The following UBE2G2 variants were observed in gnomAD, a reference collection of about 807,000 sequenced individuals.
UBE2G2 encodes the protein ubiquitin conjugating enzyme E2 G2.
A neutral mutation model predicts 23.0 loss-of-function variants in UBE2G2; 10 were observed. The observed-to-expected ratio is 0.43, with a 90% CI of 0.27 to 0.74. The LOEUF (loss-of-function observed/expected upper bound fraction) is 0.74. Ranked by LOEUF, UBE2G2 falls within the 30% of genes least tolerant of loss-of-function variation. UBE2G2 has a pLI of 0.19. For synonymous variants in UBE2G2, 86 were observed against 81.3 expected (o/e 1.06, Z -0.31); for missense variants, 150 against 218.3 (o/e 0.69, Z 1.97).
chr21:44,791,988 A>G (rs2083049361), intron 1 of UBE2G2, among the ~76,000 whole-genome samples: 2 of 152,250 alleles, frequency 1.3e-5, no homozygotes, highest in South Asian at 4.1e-4. Context: ...TTGAGCTTTA[A>G]GATTTAATGA....
At chr21:44,795,205 G>C (rs782177305) in intron 1 of UBE2G2, among the ~76,000 whole-genome samples, 41 of 152,140 alleles carry the variant, frequency 2.7e-4, no homozygotes, top group Non-Finnish European at 4.9e-4. Context: ...AGATGTTGCA[G>C]TGAGCTGAGA....
intron 3 of UBE2G2, among the ~76,000 whole-genome samples, chr21:44,783,530 G>A (rs1335398947): frequency 3.9e-5 from 6 of 152,216 alleles, no homozygotes; most frequent in Non-Finnish European, 8.8e-5. Context: ...ATCAACTGGG[G>A]AATGGAAAAG....
chr21:44,790,371 T>G (rs1339455369), intron 1 of UBE2G2, among the ~76,000 whole-genome samples: 4 of 152,208 alleles, frequency 2.6e-5, no homozygotes, highest in Non-Finnish European at 5.9e-5. Context: ...TAGACTTTTG[T>G]GTGAATGTTC....
rs2329900 is a variant in UBE2G2, at chr21:44,783,726, C to T, written c.125+4194G>A. Among the ~76,000 whole-genome samples, 75 of 152,188 alleles carry T rather than the reference C, an allele frequency of 4.9e-4. 3 individuals are homozygous for T. In the South Asian group the frequency reaches 0.014, roughly 29 times the overall value. ...GGGGTTGGAATGGGAACTGTCTGCA[C>T]ATAGACATAAGAATCTTTTTGGAAA... On this transcript the variant is annotated intron_variant, in intron 3 of 5. Coordinates refer to ENST00000345496, the MANE Select transcript of UBE2G2 (RefSeq NM_003343.6).
At chr21:44,776,043 G>A (rs1349767321) in intron 4 of UBE2G2, among the ~76,000 whole-genome samples, 1 of 152,156 alleles carries the variant, frequency 6.6e-6, no homozygotes, top group Non-Finnish European at 1.5e-5. Context: ...AATATCTGCA[G>A]TAAATGAGAA....
In UBE2G2 at chr21:44,771,577, C is replaced by CG; in HGVS notation, c.386-89dup. The CG allele has an allele frequency of 1.5e-6, 2 of 1,363,058 alleles. No individual in the cohort carries two copies. Among genetic ancestry groups the CG allele is most frequent in the Non-Finnish European group, 2.1e-6 (2 of 970,892 alleles). The allele number at this position is 1,363,058 out of a possible 1,614,324, so 84.4% of individuals were successfully genotyped here. On this transcript the variant is annotated intron_variant, in intron 5 of 5. Coordinates refer to ENST00000345496, the MANE Select transcript of UBE2G2 (RefSeq NM_003343.6). The surrounding 1 kb of genome is among the most constrained non-coding windows in gnomAD (Gnocchi z 4.6). ...GTCTCCCATTTATTTAAAACACTGG[C>CG]GGGGGCTTTCAAGAGCTGTGTCCCA...
At position 44,787,843 on chromosome 21, in the gene UBE2G2, AG is replaced by A. The variant is rs1164558825; in HGVS notation, c.125+76del. The A allele has an allele frequency of 6.5e-6, 10 of 1,529,654 alleles. No homozygotes were observed. In the Admixed American group the frequency reaches 7.4e-5, roughly 11 times the overall value. 94.8% of individuals were successfully genotyped at this position (1,529,654 alleles called of 1,614,324 possible). On this transcript the variant is annotated intron_variant, in intron 3 of 5. Transcript: ENST00000345496. ...TTTTCCAGCTGATGCTTTTGGACAC[AG>A]TCACACTGCTGATGTGATTCTTACA...
chr21:44,773,769 G>A (rs2082892078), intron 4 of UBE2G2, 82 bp from the exon 5 acceptor site: 1 of 1,549,182 alleles, frequency 6.5e-7, no homozygotes, highest in East Asian at 2.3e-5. Context: ...CACAGATAAT[G>A]AGAACAAAGA....
At chr21:44,773,434 A>C in intron 5 of UBE2G2, 113 bp downstream of exon 5, 1 of 1,363,464 alleles carries the variant, frequency 7.3e-7, no homozygotes, top group Non-Finnish European at 9.7e-7. Context: ...TAGCATGTGT[A>C]AACTAACTGC....
At chr21:44,788,210 C>A in intron 1 of UBE2G2, 115 bp from the exon 2 acceptor site, 3 of 985,718 alleles carry the variant, frequency 3.0e-6, no homozygotes, top group Non-Finnish European at 2.9e-6. Flanking sequence ...TGCATATTAA[C>A]AAGTGAAAAT....
At chr21:44,786,472 G>A (rs138454606) in intron 3 of UBE2G2, among the ~76,000 whole-genome samples, 6 of 152,310 alleles carry the variant, frequency 3.9e-5, no homozygotes, top group Admixed American at 2.6e-4. Flanking sequence ...AATGGCAGGC[G>A]TGCTGTACCA....
At chr21:44,774,180 C>T (rs2082896136) in intron 4 of UBE2G2, 1 of 153,318 alleles carries the variant, frequency 6.5e-6, no homozygotes, top group Admixed American at 6.5e-5. Flanking sequence ...AAGAAAGGCA[C>T]CAGGATTTCT....
chr21:44,789,759 C>T (rs1230917960), intron 1 of UBE2G2, among the ~76,000 whole-genome samples: 4 of 152,272 alleles, frequency 2.6e-5, no homozygotes, highest in South Asian at 4.1e-4. Flanking sequence ...CAAACGCTTG[C>T]GTCCCCCCAA....
rs2082862443 is a variant in UBE2G2, at chr21:44,770,200, A to C, written c.*1177T>G. 1 of 152,210 alleles carries C rather than the reference A, an allele frequency of 6.6e-6. No homozygotes were observed. The highest frequency in any genetic ancestry group is 6.5e-5 in the Admixed American group (1 of 15,280). The allele number at this position is 152,210 out of a possible 1,614,324, so 9.4% of individuals were successfully genotyped here. ...TTGCAAAGAATGATTTTGTGCTAAT[A>C]AATTCCCAGTGCATCCAAAATGTAC... On this transcript the variant is annotated 3_prime_UTR_variant, in exon 6 of 6. Transcript: ENST00000345496.
Position 44,787,928 on chromosome 21 carries a change from T to C in UBE2G2, c.117A>G (p.Ala39=). The change falls in exon 3 of 6, where the codon GCA becomes GCG. Residue 39 remains alanine (A), a synonymous_variant. Transcript: ENST00000345496. ...ACCTAAAATTAACTTACATGATCAA[T>C]GCCTCCCATTCAAAAAAGTTCTCTT... ...MNEENFFEWE[A]LIMGPEDTCF... 6.2e-7 allele frequency: 1 copy of C among 1,613,982 alleles called. No individual in the cohort carries two copies. Among genetic ancestry groups the C allele is most frequent in the Non-Finnish European group, 8.5e-7 (1 of 1,179,974 alleles).
At chr21:44,773,427 C>A in intron 5 of UBE2G2, 120 bp downstream of exon 5, 1 of 1,274,538 alleles carries the variant, frequency 7.8e-7, no homozygotes, top group Non-Finnish European at 1.1e-6. Context: ...ATGGCAATAG[C>A]ATGTGTAAAC....
intron 1 of UBE2G2, 91 bp downstream of exon 1, chr21:44,801,615 C>G (rs1416079830): frequency 2.1e-6 from 3 of 1,414,864 alleles, no homozygotes; most frequent in South Asian, 1.5e-5. Context: ...CCGGCTCCCC[C>G]GCCAGGCTCC....
rs147057622 is a variant in UBE2G2 at position 44,773,650 on chromosome 21, G to A, written c.282C>T (p.His94=). 8.3e-4 allele frequency: 1,343 copies of A among 1,612,750 alleles called. 14 individuals are homozygous for A. In the African/African-American group the frequency reaches 0.016, roughly 19 times the overall value. The part of the protein sequence containing the change: ...PDGRVCISIL[H]APGDDPMGYE... The stretch of plus-strand genomic sequence containing the variant: ...AGCCCATGGGGTCATCGCCTGGCGC[G>A]TGGAGGATGGAAATGCAGACTCTCC... Residue 94 remains histidine (H), a synonymous_variant, in exon 5 of 6, where the codon CAC becomes CAT. Transcript: ENST00000345496.
chr21:44,778,259 G>A (rs1555960850), intron 3 of UBE2G2, among the ~76,000 whole-genome samples: 1 of 152,248 alleles, frequency 6.6e-6, no homozygotes, highest in South Asian at 2.1e-4. Context: ...AAGAGCACAT[G>A]TGATCACTGC....
Sources: allele counts gnomAD v4.1 joint callset (sites outside exome capture counted in the v4.1 genomes callset), GRCh38; gene constraint gnomAD v4.1.1; non-coding constraint Gnocchi (gnomAD v3.1); transcripts MANE v1.5; gene names NCBI Gene and HGNC (gene_info 2026-07-23, HGNC 2026-07-21).